The following UGT1A10 variants were observed in gnomAD, a reference collection of about 807,000 sequenced individuals.
UGT1A10 encodes the protein UDP-glucuronosyltransferase 1A10.
UGT1A10 carries 49 observed loss-of-function variants against 45.8 expected under a neutral mutation model. The ratio of observed to expected loss-of-function variants is 1.07; its 90% CI spans 0.85 to 1.36. UGT1A10 has a LOEUF of 1.36. Ranked by LOEUF, UGT1A10 falls within the 40% of genes most tolerant of loss-of-function variation. The pLI, the probability that UGT1A10 is intolerant of heterozygous loss-of-function variation, is 0.00. For missense variants in UGT1A10, 745 were observed against 668.6 expected (o/e 1.11, Z -1.26); for synonymous variants, 284 against 249.7 (o/e 1.14, Z -1.29).
intron 1 of UGT1A10, chr2:233,747,764 C>A: frequency 6.2e-7 from 1 of 1,613,426 alleles, no homozygotes; most frequent in Non-Finnish European, 8.5e-7. Context: ...ACTTTAAGGG[C>A]ACACAGTGTC....
chr2:233,747,006 G>A (rs563411016), intron 1 of UGT1A10, among the ~76,000 whole-genome samples: 4 of 151,972 alleles, frequency 2.6e-5, no homozygotes, highest in Admixed American at 2.0e-4. Flanking sequence ...TTTTCAAGTA[G>A]GAGTGATCGG....
intron 1 of UGT1A10, among the ~76,000 whole-genome samples, chr2:233,645,467 G>C (rs1351537499): frequency 6.6e-6 from 1 of 152,184 alleles, no homozygotes; most frequent in Non-Finnish European, 1.5e-5. Flanking sequence ...CTGAGACAAG[G>C]CAAGTCCCTT....
At chr2:233,712,590 A>G (rs1407405670) in intron 1 of UGT1A10, among the ~76,000 whole-genome samples, 1 of 152,212 alleles carries the variant, frequency 6.6e-6, no homozygotes, top group African/African-American at 2.4e-5. Context: ...AGCAGAGACC[A>G]TATGGTTGGG....
At chr2:233,663,130 A>C (rs946932050) in intron 1 of UGT1A10, among the ~76,000 whole-genome samples, 1 of 152,042 alleles carries the variant, frequency 6.6e-6, no homozygotes, top group Non-Finnish European at 1.5e-5. Flanking sequence ...TTAAACAATA[A>C]TTGCCCATTC....
chr2:233,675,939 A>G (rs1052112012), intron 1 of UGT1A10, among the ~76,000 whole-genome samples: 8 of 152,238 alleles, frequency 5.3e-5, no homozygotes, highest in Non-Finnish European at 1.2e-4. Context: ...TTTACAGTCC[A>G]TAATAAAATT....
rs879478240 is a variant in UGT1A10, at chr2:233,725,179, G to GAGAGGC, written c.856-41819_856-41814dup. On this transcript the variant is annotated intron_variant, in intron 1 of 4. Coordinates refer to ENST00000344644, the MANE Select transcript of UGT1A10 (RefSeq NM_019075.4). ...CTCTGCATGAGAGGGAGACCGTGGGGAGAGGCAGAGGCAGAGGCAGAGGCA... is the reference window on the plus strand; with the variant it reads ...CTCTGCATGAGAGGGAGACCGTGGGGAGAGGCAGAGGCAGAGGCAGAGGCAGAGGCA... Among the ~76,000 whole-genome samples the GAGAGGC allele has an allele frequency of 9.9e-4, 67 of 67,614 alleles. 14 individuals carry two copies. The highest frequency in any genetic ancestry group is 3.6e-3 in the East Asian group (12 of 3,306). 44.4% of individuals were successfully genotyped at this position (67,614 alleles called of 152,430 possible). A position where few individuals can be genotyped will look rare whatever the true frequency, so the allele number is the denominator to read the frequency against.
chr2:233,743,608 G>A (rs1692376104), intron 1 of UGT1A10: 5 of 1,367,320 alleles, frequency 3.7e-6, no homozygotes, highest in Non-Finnish European at 4.9e-6. Context: ...GGCCGCCGAA[G>A]AACTCCCTGA....
At position 233,636,599 on chromosome 2, in the gene UGT1A10, G is replaced by A. The variant is rs762095358; in HGVS notation, c.77G>A (p.Gly26Glu). 5.6e-6 allele frequency: 9 copies of A among 1,614,052 alleles called. No individual in the cohort carries two copies. Among genetic ancestry groups the A allele is most frequent in the Non-Finnish European group, 1.7e-6 (2 of 1,180,040 alleles). ...CTGACCTGTGGCTTTGCCGAGGCAG[G>A]GAAGCTGCTGGTAGTGCCCATGGAT... ...LLLTCGFAEA[G>E]KLLVVPMDGS... Residue 26 changes from glycine to glutamate, a missense_variant, in exon 1 of 5, where the codon GGG (glycine) becomes GAG (glutamate). Physicochemically the swap from Gly to Glu is moderately conservative, Grantham distance 98. Transcript: ENST00000344644.
chr2:233,736,247 TA>T (rs1432659624), intron 1 of UGT1A10, among the ~76,000 whole-genome samples: 1 of 152,216 alleles, frequency 6.6e-6, no homozygotes, highest in Non-Finnish European at 1.5e-5. Context: ...CTTCTCACTT[TA>T]TTTCATTAAT....
intron 1 of UGT1A10, among the ~76,000 whole-genome samples, chr2:233,735,931 CT>C (rs1190585713): frequency 6.6e-6 from 1 of 152,166 alleles, no homozygotes; most frequent in Non-Finnish European, 1.5e-5. Flanking sequence ...TTCTCTGTGG[CT>C]GCCCTTAACA....
intron 1 of UGT1A10, among the ~76,000 whole-genome samples, chr2:233,644,385 T>A (rs989421883): frequency 1.3e-5 from 2 of 152,050 alleles, no homozygotes; most frequent in Non-Finnish European, 2.9e-5. Flanking sequence ...CTGGCCAACA[T>A]GGCGAAACCC....
chr2:233,755,236 G>C (rs1242283792), intron 1 of UGT1A10: 2 of 905,678 alleles, frequency 2.2e-6, no homozygotes, highest in Non-Finnish European at 3.3e-6. Flanking sequence ...GAGGCCTACC[G>C]GGGTACTCCC....
intron 1 of UGT1A10, among the ~76,000 whole-genome samples, chr2:233,650,607 A>G (rs1302867864): frequency 6.6e-6 from 1 of 151,926 alleles, no homozygotes; most frequent in Non-Finnish European, 1.5e-5. Context: ...TCTTTTGACC[A>G]TTTTTCCCAT....
At chr2:233,699,264 G>A (rs559256559) in intron 1 of UGT1A10, among the ~76,000 whole-genome samples, 7 of 152,114 alleles carry the variant, frequency 4.6e-5, no homozygotes, top group Non-Finnish European at 7.4e-5. Flanking sequence ...CTTCCTATAG[G>A]GGCTTGAATC....
intron 1 of UGT1A10, chr2:233,747,628 G>A (rs767343717): frequency 1.6e-4 from 253 of 1,579,014 alleles, no homozygotes; most frequent in Non-Finnish European, 2.0e-4. Flanking sequence ...GCCCTGATCA[G>A]GCACCTGAAT....
intron 1 of UGT1A10, among the ~76,000 whole-genome samples, chr2:233,645,959 C>G (rs1183859720): frequency 6.6e-6 from 1 of 152,244 alleles, no homozygotes. Flanking sequence ...AGCAGAGGTT[C>G]TCTGTGAGGG....
At chr2:233,757,845 T>C (rs1338801014) in intron 1 of UGT1A10, among the ~76,000 whole-genome samples, 1 of 151,974 alleles carries the variant, frequency 6.6e-6, no homozygotes, top group Non-Finnish European at 1.5e-5. Context: ...TACTAACTTA[T>C]GTCTTCAGCT....
rs1333399571 is a variant in UGT1A10 at position 233,769,871 on chromosome 2, A to AT, written c.1295+1432_1295+1433insT. 8.6e-6 allele frequency: 4 copies of AT among 463,518 alleles called. No individual in the cohort carries two copies. Among genetic ancestry groups the AT allele is most frequent in the Non-Finnish European group, 1.5e-5 (4 of 275,572 alleles). The allele number at this position is 463,518 out of a possible 1,614,324, so 28.7% of individuals were successfully genotyped here. A position where few individuals can be genotyped will look rare whatever the true frequency, so the allele number is the denominator to read the frequency against. Reference sequence around the variant, plus strand: ...AGACCCTGTCTCAAAAAAAAAAAAAAAAATGAAAAGTCCACATAACCTGAG... The same window carrying AT: ...AGACCCTGTCTCAAAAAAAAAAAAAATAAATGAAAAGTCCACATAACCTGAG... On this transcript the variant is annotated intron_variant, in intron 4 of 4. Transcript: ENST00000344644. The surrounding 1 kb of genome is among the most constrained non-coding windows in gnomAD (Gnocchi z 4.4).
At chr2:233,688,704 G>A (rs2074910823) in intron 1 of UGT1A10, among the ~76,000 whole-genome samples, 1 of 152,088 alleles carries the variant, frequency 6.6e-6, no homozygotes, top group Non-Finnish European at 1.5e-5. Flanking sequence ...GTCCTTCATT[G>A]AACAAATATC....
Sources: gnomAD v4.1 joint callset for allele counts (sites outside exome capture counted in the v4.1 genomes callset) on GRCh38, gnomAD v4.1.1 for gene constraint, Gnocchi (gnomAD v3.1) non-coding constraint, MANE v1.5 for transcripts, NCBI Gene and HGNC (gene_info 2026-07-23, HGNC 2026-07-21) for gene names.